FADS2: variants seen among roughly 807,000 people sequenced by gnomAD.
FADS2 encodes acyl-CoA 6-desaturase.
Under a neutral mutation model 61.2 loss-of-function variants are expected in FADS2, and 18 were observed. The observed-to-expected ratio is 0.29, with a 90% CI of 0.20 to 0.44. FADS2 has a LOEUF of 0.44. Among genes scored for constraint, FADS2 ranks in the 20% least tolerant of loss-of-function variants. The probability of loss-of-function intolerance (pLI) is 1.00; values close to 1 mark genes in which losing one functional copy is unlikely to be tolerated. For synonymous variants in FADS2, 203 were observed against 223.9 expected (o/e 0.91, Z 0.83); for missense variants, 322 against 572.7 (o/e 0.56, Z 4.47).
chr11:61,862,865 C>A, intron 7 of FADS2, 107 bp from the exon 8 acceptor site: 1 of 871,164 alleles, frequency 1.1e-6, no homozygotes, highest in East Asian at 2.4e-5. Context: ...GGGCTGCGGT[C>A]CAGCTTCTAG....
intron 5 of FADS2, among the ~76,000 whole-genome samples, chr11:61,853,302 T>TCCTTCCTTCCTC (rs2067326553): frequency 8.4e-6 from 1 of 119,168 alleles, no homozygotes; most frequent in African/African-American, 3.8e-5. Context: ...CTTCCTTCCT[T>TCCTTCCTTCCTC]CCTTCCTTCC....
At chr11:61,823,099 A>G (rs1380242412) in intron 1 of FADS2, among the ~76,000 whole-genome samples, 1 of 152,234 alleles carries the variant, frequency 6.6e-6, no homozygotes, top group East Asian at 1.9e-4. Flanking sequence ...CAGGAAAGGA[A>G]TGGTGTCCTA....
intron 1 of FADS2, among the ~76,000 whole-genome samples, chr11:61,835,867 C>A (rs190166352): frequency 8.8e-4 from 134 of 152,262 alleles, no homozygotes; most frequent in African/African-American, 3.1e-3. Context: ...ATTGTGTGAT[C>A]ACATCCCTAA....
At chr11:61,828,197 A>C (rs950726376), upstream of FADS2, 1 of 1,417,536 alleles carries the variant, frequency 7.1e-7, no homozygotes, top group Non-Finnish European at 9.2e-7. The surrounding 1 kb of genome is among the most constrained non-coding windows in gnomAD (Gnocchi z 6.4). Context: ...ATCCTCCGCC[A>C]GGAAGGCAGG....
In FADS2 at chr11:61,816,291, C is replaced by T; in HGVS notation, c.6C>T (p.His2=). Reference sequence around the variant, plus strand: ...GGCTCGGGGCTGCAGATGGAATGCACGGCAGGGAGGCGGGACCCTTTGTTT... The same window carrying T: ...GGCTCGGGGCTGCAGATGGAATGCATGGCAGGGAGGCGGGACCCTTTGTTT... Residue 2 remains histidine (H), a synonymous_variant, in exon 1 of 12, where the codon CAC becomes CAT. Transcript: ENST00000257261. The surrounding 1 kb of genome is among the most constrained non-coding windows in gnomAD (Gnocchi z 7.0). 1 of 1,598,336 alleles carries T rather than the reference C, an allele frequency of 6.3e-7. No individual in the cohort carries two copies. Among genetic ancestry groups the T allele is most frequent in the East Asian group, 2.2e-5 (1 of 44,870 alleles).
At chr11:61,825,909 G>A, upstream of FADS2, 1 of 598,696 alleles carries the variant, frequency 1.7e-6, no homozygotes, top group South Asian at 2.0e-5. Context: ...AAATTAGAGG[G>A]CAGGGAGGCA....
At chr11:61,829,706 A>G (rs1478598960) in intron 1 of FADS2, among the ~76,000 whole-genome samples, 3 of 152,202 alleles carry the variant, frequency 2.0e-5, no homozygotes, top group African/African-American at 7.2e-5. Context: ...GGGAAAGTGA[A>G]TAGGAGAGAG....
chr11:61,847,955 A>T, intron 4 of FADS2: 1 of 574,720 alleles, frequency 1.7e-6, no homozygotes, highest in East Asian at 3.1e-5. Context: ...AAGCCTAGAG[A>T]GATAAAGTGA....
intron 4 of FADS2, among the ~76,000 whole-genome samples, chr11:61,844,435 G>C (rs1323178073): frequency 2.0e-5 from 3 of 152,080 alleles, no homozygotes; most frequent in Non-Finnish European, 4.4e-5. Context: ...GCCAGGCGAG[G>C]GTGCTCGGGA....
rs1178319876 is a variant in FADS2, at chr11:61,865,239, G to A, written c.1245G>A (p.Gln415=). ...GTGCCAAGCATGGCATTGAATACCA[G>A]GAGAAGCCGCTACTGAGGGCCCTGC... ...SLCAKHGIEY[Q]EKPLLRALLD... is the part of the protein sequence containing the mutation. The change falls in exon 11 of 12, where the codon CAG becomes CAA. Residue 415 remains glutamine, a synonymous_variant. Transcript: ENST00000278840. The surrounding 1 kb of genome is among the most constrained non-coding windows in gnomAD (Gnocchi z 4.1). The A allele has an allele frequency of 3.1e-6, 5 of 1,613,744 alleles. No individual in the cohort carries two copies. Among genetic ancestry groups the A allele is most frequent in the Middle Eastern group, 1.7e-4 (1 of 5,908 alleles).
At chr11:61,862,932 G>C in intron 7 of FADS2, 40 bp from the exon 8 acceptor site, 1 of 1,537,670 alleles carries the variant, frequency 6.5e-7, no homozygotes. Context: ...CCAGGGCAGA[G>C]GAGAGGGCAG....
chr11:61,862,939 G>T, intron 7 of FADS2, 33 bp from the exon 8 acceptor site: 1 of 1,565,180 alleles, frequency 6.4e-7, no homozygotes, highest in Non-Finnish European at 8.8e-7. Flanking sequence ...AGAGGAGAGG[G>T]CAGGTTGCAC....
At chr11:61,824,487 AGAG>A (rs1565325393), upstream of FADS2, among the ~76,000 whole-genome samples, 27 of 9,514 alleles carry the variant, frequency 2.8e-3, no homozygotes, top group African/African-American at 3.4e-3. Flanking sequence ...AGAGAGAGAG[AGAG>A]AAAGAAAGAA....
chr11:61,859,800 C>A (rs1250032891), intron 7 of FADS2, among the ~76,000 whole-genome samples: 2 of 152,106 alleles, frequency 1.3e-5, no homozygotes. Flanking sequence ...GCCTGGCCAG[C>A]ATGGTGAAAC....
chr11:61,862,845 G>A (rs1164642859), intron 7 of FADS2, 127 bp from the exon 8 acceptor site: 64 of 739,120 alleles, frequency 8.7e-5, no homozygotes, highest in Non-Finnish European at 1.1e-4. Context: ...GTTGCCCATT[G>A]CATTTCAGTG....
At chr11:61,845,030 CTTTTTTTT>C (rs71046747) in intron 4 of FADS2, among the ~76,000 whole-genome samples, 42 of 44,144 alleles carry the variant, frequency 9.5e-4, no homozygotes, top group African/African-American at 3.5e-3. Context: ...CAGAAGTGCA[CTTTTTTTT>C]TTTTTTTTTT....
chr11:61,820,331 C>T (rs1591159767), intron 1 of FADS2, among the ~76,000 whole-genome samples: 1 of 151,980 alleles, frequency 6.6e-6, no homozygotes, highest in East Asian at 1.9e-4. Context: ...CATGCCTAGT[C>T]ATGTCTACTG....
At chr11:61,839,329 CTT>C (rs146095094) in intron 2 of FADS2, among the ~76,000 whole-genome samples, 3 of 146,620 alleles carry the variant, frequency 2.0e-5, no homozygotes, top group African/African-American at 2.5e-5. Context: ...TTCTTTCTTT[CTT>C]TTTTTTTTTG....
rs1591169682 is a variant in FADS2, at chr11:61,840,166, A to C, written c.319-168A>C. ...CCCAGGGCTGTGTGGGGCATGTGGT[A>C]ACAGCAGCTATTGTAGGGACTCCTG... is the stretch of plus-strand genomic sequence containing the variant. On this transcript the variant is annotated intron_variant, in intron 2 of 11. Transcript: ENST00000278840. 7.9e-6 allele frequency: 5 copies of C among 635,446 alleles called. No homozygotes were observed. In the East Asian group the frequency reaches 1.4e-4, roughly 17 times the overall value. 39.4% of individuals were successfully genotyped at this position (635,446 alleles called of 1,614,324 possible). A position where few individuals can be genotyped will look rare whatever the true frequency, so the allele number is the denominator to read the frequency against.
Sources: gnomAD v4.1 joint callset for allele counts (sites outside exome capture counted in the v4.1 genomes callset) on GRCh38, gnomAD v4.1.1 for gene constraint, Gnocchi (gnomAD v3.1) non-coding constraint, MANE v1.5 for transcripts, NCBI Gene and HGNC (gene_info 2026-07-23, HGNC 2026-07-21) for gene names.